ALPK1: variants seen among roughly 807,000 people sequenced by gnomAD.
ALPK1 encodes the protein alpha-protein kinase 1.
ALPK1 carries 110 observed loss-of-function variants against 120.6 expected under a neutral mutation model. The observed-to-expected ratio is 0.91, with a 90% confidence interval of 0.78 to 1.07. ALPK1 has a LOEUF of 1.07. Among genes scored for constraint, ALPK1 ranks in the 50% least tolerant of loss-of-function variants. The pLI is 0.00. For missense variants in ALPK1, 1,498 were observed against 1,483.9 expected (o/e 1.01, Z -0.16); for synonymous variants, 582 against 560.3 (o/e 1.04, Z -0.55).
At chr4:112,400,204 A>G (rs1361553218) in intron 4 of ALPK1, among the ~76,000 whole-genome samples, 1 of 152,304 alleles carries the variant, frequency 6.6e-6, no homozygotes, top group African/African-American at 2.4e-5. Context: ...GATGCAGATG[A>G]GAATTATCCG....
intron 3 of ALPK1, among the ~76,000 whole-genome samples, chr4:112,382,054 A>C (rs1731936882): frequency 6.6e-6 from 1 of 152,148 alleles, no homozygotes; most frequent in African/African-American, 2.4e-5. Flanking sequence ...TCCCTTTCTC[A>C]TTTTACAGGG....
chr4:112,337,565 A>G (rs1729673919), intron 2 of ALPK1, among the ~76,000 whole-genome samples: 1 of 152,168 alleles, frequency 6.6e-6, no homozygotes, highest in African/African-American at 2.4e-5. Flanking sequence ...TGAGCCAGGC[A>G]TGGTGGCATA....
chr4:112,408,730 T>A (rs936373226), intron 4 of ALPK1, among the ~76,000 whole-genome samples: 11 of 152,168 alleles, frequency 7.2e-5, no homozygotes, highest in African/African-American at 2.7e-4. Flanking sequence ...CACCTCAGCC[T>A]CCCAAAGTGC....
intron 3 of ALPK1, among the ~76,000 whole-genome samples, chr4:112,379,206 T>C (rs547208067): frequency 1.8e-3 from 271 of 152,322 alleles, no homozygotes; most frequent in Middle Eastern, 0.014. Context: ...GAGCTCCCAA[T>C]TGGGTAGCAT....
In ALPK1 at chr4:112,349,560, C is replaced by CT. The variant is rs1553939343; in HGVS notation, c.-100-28118_-100-28117insT. Among the ~76,000 whole-genome samples, 5 of 146,614 alleles carry CT rather than the reference C, an allele frequency of 3.4e-5. No individual in the cohort carries two copies. In the East Asian group the frequency reaches 6.2e-4, roughly 18 times the overall value. On this transcript the variant is annotated intron_variant, in intron 2 of 15. Transcript: ENST00000650871. ...TACCGCCCCAACCCCTGCCCCCCCC[C>CT]GCTTTATTTTTGAGACAGAGTTTTG...
intron 1 of ALPK1, among the ~76,000 whole-genome samples, chr4:112,315,252 A>C (rs1004820505): frequency 1.4e-4 from 22 of 152,214 alleles, no homozygotes; most frequent in African/African-American, 5.1e-4. Context: ...TTTTTGTATA[A>C]ATAACTGGGG....
At chr4:112,349,165 T>C (rs897952994) in intron 2 of ALPK1, among the ~76,000 whole-genome samples, 6 of 152,226 alleles carry the variant, frequency 3.9e-5, no homozygotes, top group African/African-American at 4.8e-5. Flanking sequence ...TATTCATTAA[T>C]TGAATATGGA....
rs186734161 is a variant in ALPK1, at chr4:112,429,503, T to C, written c.900+250T>C. Reference sequence around the variant, plus strand: ...GTTGTGAAGCAATGGTTCCCAAGCCTGAGTGCACATCAAAATCACCCAAGG... The same window carrying C: ...GTTGTGAAGCAATGGTTCCCAAGCCCGAGTGCACATCAAAATCACCCAAGG... On this transcript the variant is annotated intron_variant, in intron 10 of 15. Transcript: ENST00000650871. Among the ~76,000 whole-genome samples, 9 of 152,284 alleles carry C rather than the reference T, an allele frequency of 5.9e-5. No homozygotes were observed. In the East Asian group the frequency reaches 1.5e-3, roughly 26 times the overall value.
Position 112,427,660 on chromosome 4 carries a change from A to G in ALPK1, c.790A>G (p.Asn264Asp). Reference sequence around the variant, plus strand: ...AAAGTTTAAAAACAATCCACAAATTAATTTGGTAATTATCATAACACTGAG... The same window carrying G: ...AAAGTTTAAAAACAATCCACAAATTGATTTGGTAATTATCATAACACTGAG... The part of the protein sequence containing the change: ...YEKFKNNPQI[N>D]LSLLKEFDHH... The change falls in exon 9 of 16, where the codon AAT becomes GAT. Residue 264 changes from asparagine to aspartate, a missense_variant. Asn to Asp is a conservative substitution (Grantham distance 23). Coordinates refer to ENST00000650871, the MANE Select transcript of ALPK1 (RefSeq NM_025144.4). 1 of 1,607,614 alleles carries G rather than the reference A, an allele frequency of 6.2e-7. No homozygotes were observed. The highest frequency in any genetic ancestry group is 2.2e-5 in the East Asian group (1 of 44,834).
At chr4:112,388,258 A>G (rs1420984690) in intron 4 of ALPK1, among the ~76,000 whole-genome samples, 1 of 152,232 alleles carries the variant, frequency 6.6e-6, no homozygotes, top group African/African-American at 2.4e-5. Context: ...ACATGAATAA[A>G]TATAAGAGTT....
intron 2 of ALPK1, among the ~76,000 whole-genome samples, chr4:112,332,478 T>G (rs777450551): frequency 2.6e-5 from 4 of 152,224 alleles, no homozygotes; most frequent in Non-Finnish European, 5.9e-5. Flanking sequence ...CAAGGCATTT[T>G]GTGTATTTGC....
intron 1 of ALPK1, among the ~76,000 whole-genome samples, chr4:112,308,517 C>A (rs1385023229): frequency 6.6e-6 from 1 of 152,044 alleles, no homozygotes; most frequent in Non-Finnish European, 1.5e-5. Context: ...ATCACTGATA[C>A]CCTTTCTTCC....
intron 1 of ALPK1, among the ~76,000 whole-genome samples, chr4:112,314,028 T>C (rs1728530400): frequency 6.6e-6 from 1 of 152,192 alleles, no homozygotes; most frequent in South Asian, 2.1e-4. Context: ...AGCTTGACGA[T>C]GTAAAAGATT....
rs1214334238 is a variant in ALPK1 at position 112,431,582 on chromosome 4, A to G, written c.2035A>G (p.Thr679Ala). 1 of 1,614,036 alleles carries G rather than the reference A, an allele frequency of 6.2e-7. No homozygotes were observed. The highest frequency in any genetic ancestry group is 1.1e-5 in the South Asian group (1 of 91,066). Residue 679 changes from threonine (T) to alanine (A), a missense_variant, in exon 11 of 16, where the codon ACC (threonine) becomes GCC (alanine). Physicochemically the swap from Thr to Ala is moderately conservative, Grantham distance 58 (BLOSUM62 0). Coordinates refer to ENST00000650871, the MANE Select transcript of ALPK1 (RefSeq NM_025144.4). ...CTTGACACCCTTCTCGCCTCATAAT[A>G]CCCCAGGCATTTTCTTGGCCCCTGG... is the stretch of plus-strand genomic sequence containing the variant. The part of the protein sequence containing the change: ...MPLTPFSPHN[T>A]PGIFLAPGAG...
rs139996845 is a variant in ALPK1, at chr4:112,413,627, C to T, written c.475+1602C>T. Among the ~76,000 whole-genome samples, 11 of 152,302 alleles carry T rather than the reference C, an allele frequency of 7.2e-5. No individual in the cohort carries two copies. The East Asian group carries it at 1.7e-3, about 24-fold the overall frequency. ...AAAGACTGGGTTTTGCCATGTTGCC[C>T]AGGCTGGTGTCAAACTCCTGACCTC... is the stretch of plus-strand genomic sequence containing the variant. On this transcript the variant is annotated intron_variant, in intron 5 of 15. Coordinates refer to ENST00000650871, the MANE Select transcript of ALPK1 (RefSeq NM_025144.4).
At chr4:112,439,606 G>T in intron 13 of ALPK1, 80 bp from the exon 14 acceptor site, 1 of 1,316,282 alleles carries the variant, frequency 7.6e-7, no homozygotes, top group Non-Finnish European at 1.0e-6. Flanking sequence ...CAGAGCCTAG[G>T]TTCAAACCAA....
chr4:112,357,645 C>G, intron 2 of ALPK1: 1 of 1,608,342 alleles, frequency 6.2e-7, no homozygotes, highest in Admixed American at 1.7e-5. Flanking sequence ...TCGACAAGCA[C>G]CAGATCTGGG....
At chr4:112,408,728 C>T (rs926268735) in intron 4 of ALPK1, among the ~76,000 whole-genome samples, 1 of 152,154 alleles carries the variant, frequency 6.6e-6, no homozygotes, top group Admixed American at 6.5e-5. Flanking sequence ...CCCACCTCAG[C>T]CTCCCAAAGT....
intron 2 of ALPK1, chr4:112,359,730 T>C (rs1730830290): frequency 3.3e-6 from 1 of 304,572 alleles, no homozygotes; most frequent in Non-Finnish European, 6.4e-6. Context: ...GCATGCAGTA[T>C]CTGAGTGGGG....
Sources: allele counts gnomAD v4.1 joint callset (sites outside exome capture counted in the v4.1 genomes callset), GRCh38; gene constraint gnomAD v4.1.1; transcripts MANE v1.5; gene names NCBI Gene and HGNC (gene_info 2026-07-23, HGNC 2026-07-21).